ANXA8: variants seen among roughly 807,000 people sequenced by gnomAD.
ANXA8 encodes the protein annexin A8.
ANXA8 carries 9 observed loss-of-function variants against 26.8 expected under a neutral mutation model. The ratio of observed to expected loss-of-function variants is 0.34; its 90% CI spans 0.20 to 0.59. ANXA8 has a LOEUF of 0.59. Ranked by LOEUF, ANXA8 falls within the 20% of genes least tolerant of loss-of-function variation. The probability of loss-of-function intolerance (pLI) is 0.84; values close to 1 mark genes in which losing one functional copy is unlikely to be tolerated. For missense variants in ANXA8, 83 were observed against 238.5 expected, an observed-to-expected ratio of 0.35 and a Z score of 4.29; for synonymous variants, 39 against 94.8, an observed-to-expected ratio of 0.41 and a Z score of 3.42.
chr10:47,976,507 A>G, the ANXA8 span, among the ~76,000 whole-genome samples: 1 of 150,526 alleles, frequency 6.6e-6, no homozygotes, highest in Non-Finnish European at 1.5e-5. Flanking sequence ...CATGAGTTTG[A>G]GACCAGTCTG....
chr10:47,982,427 G>T, the ANXA8 span, among the ~76,000 whole-genome samples: 2 of 149,900 alleles, frequency 1.3e-5, no homozygotes, highest in Admixed American at 1.3e-4. Flanking sequence ...CACATTTATG[G>T]TTAACTGATT....
chr10:47,672,904 CG>C, the ANXA8 span, among the ~76,000 whole-genome samples: 1 of 151,434 alleles, frequency 6.6e-6, no homozygotes, highest in Non-Finnish European at 1.5e-5. Context: ...AAAAACCCAT[CG>C]AAGAGCTGAG....
the ANXA8 span, among the ~76,000 whole-genome samples, chr10:47,621,073 TAGC>T: frequency 1.9e-5 from 2 of 103,186 alleles, no homozygotes; most frequent in Non-Finnish European, 4.2e-5. Context: ...TTTATGAAAA[TAGC>T]AGCATTTTTT....
chr10:47,497,842 G>A, the ANXA8 span, among the ~76,000 whole-genome samples: 2 of 151,740 alleles, frequency 1.3e-5, no homozygotes, highest in Admixed American at 1.3e-4. Flanking sequence ...GGGAGGCTGA[G>A]GCAGGAGAAT....
chr10:47,591,227 A>C, the ANXA8 span, among the ~76,000 whole-genome samples: 2 of 145,622 alleles, frequency 1.4e-5, no homozygotes, highest in African/African-American at 5.6e-5. Flanking sequence ...GGGTCACTTC[A>C]GGCCTTCCCA....
chr10:47,695,790 C>G, the ANXA8 span, among the ~76,000 whole-genome samples: 2 of 151,746 alleles, frequency 1.3e-5, no homozygotes, highest in Admixed American at 1.3e-4. Flanking sequence ...GCTCTACCTA[C>G]AATTGTTTCT....
chr10:47,672,062 C>A, the ANXA8 span, among the ~76,000 whole-genome samples: 1 of 150,946 alleles, frequency 6.6e-6, no homozygotes, highest in Admixed American at 6.6e-5. Flanking sequence ...TTCTACAGTC[C>A]TTTCTATTAT....
At chr10:47,748,680 G>C in the ANXA8 span, among the ~76,000 whole-genome samples, 7 of 152,072 alleles carry the variant, frequency 4.6e-5, no homozygotes, top group Non-Finnish European at 8.8e-5. Context: ...GTAGAGGGGG[G>C]GGATCTTGCT....
At chr10:47,734,865 A>T in the ANXA8 span, among the ~76,000 whole-genome samples, 1 of 126,766 alleles carries the variant, frequency 7.9e-6, no homozygotes. Context: ...CTAAAAATAC[A>T]AAAGTTAGCC....
the ANXA8 span, among the ~76,000 whole-genome samples, chr10:47,560,702 G>A: frequency 6.6e-6 from 1 of 151,992 alleles, no homozygotes; most frequent in Non-Finnish European, 1.5e-5. Flanking sequence ...TGCAGGCTGG[G>A]TCACCTGGGC....
At chr10:47,947,699 T>G in the ANXA8 span, among the ~76,000 whole-genome samples, 1 of 150,862 alleles carries the variant, frequency 6.6e-6, no homozygotes, top group African/African-American at 2.5e-5. Context: ...TTAAGTTTTC[T>G]GAGGCTTCCC....
the ANXA8 span, among the ~76,000 whole-genome samples, chr10:47,693,597 A>G: frequency 3.9e-5 from 6 of 151,928 alleles, no homozygotes; most frequent in Non-Finnish European, 7.4e-5. Context: ...GCCGAGTACA[A>G]TCTTTTATAA....
chr10:47,497,887 C>T, the ANXA8 span, among the ~76,000 whole-genome samples: 9 of 152,024 alleles, frequency 5.9e-5, no homozygotes, highest in East Asian at 3.9e-4. Flanking sequence ...TGCAGTGAGC[C>T]GAGACGGCGC....
At chr10:47,968,589 A>C in the ANXA8 span, among the ~76,000 whole-genome samples, 2 of 136,358 alleles carry the variant, frequency 1.5e-5, no homozygotes, top group South Asian at 5.4e-4. Flanking sequence ...CTCCACGACC[A>C]CCACCAAAGT....
the ANXA8 span, among the ~76,000 whole-genome samples, chr10:47,687,656 T>C: frequency 6.6e-6 from 1 of 151,954 alleles, no homozygotes; most frequent in Admixed American, 6.6e-5. Context: ...CTGTGCTATT[T>C]GGGGCCCCTA....
At chr10:47,962,634 ACT>A in the ANXA8 span, among the ~76,000 whole-genome samples, 7 of 150,008 alleles carry the variant, frequency 4.7e-5, no homozygotes, top group African/African-American at 9.7e-5. Context: ...ACACACACAC[ACT>A]CTCACACACT....
chr10:47,655,856 A>G, the ANXA8 span, among the ~76,000 whole-genome samples: 1 of 151,798 alleles, frequency 6.6e-6, no homozygotes, highest in Non-Finnish European at 1.5e-5. Flanking sequence ...CTCCATCCCT[A>G]TTAAAAATAC....
At chr10:47,587,140 GT>G in the ANXA8 span, among the ~76,000 whole-genome samples, 1 of 146,742 alleles carries the variant, frequency 6.8e-6, no homozygotes, top group Non-Finnish European at 1.5e-5. Context: ...GGAGGCAGAG[GT>G]TGCAGTGAAC....
the ANXA8 span, among the ~76,000 whole-genome samples, chr10:47,669,185 A>G: frequency 2.0e-5 from 3 of 151,810 alleles, no homozygotes; most frequent in Non-Finnish European, 4.4e-5. Context: ...TGTGGTATTT[A>G]GGAAGGTACT....
Sources: allele counts gnomAD v4.1 joint callset (sites outside exome capture counted in the v4.1 genomes callset), GRCh38; gene constraint gnomAD v4.1.1; transcripts MANE v1.5; gene names NCBI Gene and HGNC (gene_info 2026-07-23, HGNC 2026-07-21).